The following PPP2R2C variants were observed in gnomAD, a reference collection of about 807,000 sequenced individuals.
PPP2R2C encodes the protein protein phosphatase 2 regulatory subunit Bgamma, also known as protein phosphatase 2, regulatory subunit B, gamma.
Under a neutral mutation model 45.3 loss-of-function variants are expected in PPP2R2C, and 10 were observed. The observed-to-expected ratio is 0.22, with a 90% CI of 0.14 to 0.37. The LOEUF (loss-of-function observed/expected upper bound fraction) is 0.37. Ranked by LOEUF, PPP2R2C falls within the 10% of genes least tolerant of loss-of-function variation. The pLI, the probability that PPP2R2C is intolerant of heterozygous loss-of-function variation, is 1.00. For synonymous variants in PPP2R2C, 257 were observed against 245.4 expected, an observed-to-expected ratio of 1.05 and a Z score of -0.44; for missense variants, 308 against 619.7, an observed-to-expected ratio of 0.50 and a Z score of 5.34.
rs1022422111 is a variant in PPP2R2C at position 6,535,395 on chromosome 4, A to T, written c.-58-18T>A. The T allele has an allele frequency of 4.1e-6, 6 of 1,481,318 alleles. No homozygotes were observed. In the African/African-American group the frequency reaches 5.6e-5, roughly 14 times the overall value. 91.8% of individuals were successfully genotyped at this position (1,481,318 alleles called of 1,614,324 possible). A position where few individuals can be genotyped will look rare whatever the true frequency, so the allele number is the denominator to read the frequency against. On this transcript the variant is annotated intron_variant, in intron 1 of 9. Transcript: ENST00000506140. ...TTTTACTTCTATAATCAGAAAAAAA[A>T]ACTAAAGTTGAGGAATCAAAGAGCC...
intron 1 of PPP2R2C, among the ~76,000 whole-genome samples, chr4:6,552,243 C>A (rs1725207254): frequency 6.6e-6 from 1 of 152,192 alleles, no homozygotes; most frequent in African/African-American, 2.4e-5. Context: ...TAACACATTT[C>A]CACAACCATA....
chr4:6,434,935 G>A (rs1055784774), intron 1 of PPP2R2C, among the ~76,000 whole-genome samples: 1 of 151,834 alleles, frequency 6.6e-6, no homozygotes, highest in Non-Finnish European at 1.5e-5. Flanking sequence ...ATTTTTTTGG[G>A]GGTTCTTGAT....
rs190966032 is a variant in PPP2R2C at position 6,527,757 on chromosome 4, C to T, written c.49+7514G>A. 3.4e-3 allele frequency among the ~76,000 whole-genome samples: 522 copies of T among 152,212 alleles called. 3 individuals carry two copies. The highest frequency in any genetic ancestry group is 0.012 in the African/African-American group (493 of 41,554). On this transcript the variant is annotated intron_variant, in intron 2 of 9. Coordinates refer to the PPP2R2C transcript ENST00000506140. The stretch of plus-strand genomic sequence containing the variant: ...CCCCAGCCGGGAACAGAGATGTTGG[C>T]CCCCTTCCCACAGGCCCCACCACCT...
chr4:6,408,929 A>G (rs528917090), intron 1 of PPP2R2C, among the ~76,000 whole-genome samples: 86 of 148,500 alleles, frequency 5.8e-4, no homozygotes, highest in African/African-American at 2.0e-3. Flanking sequence ...TAAATAAAAT[A>G]CTTGTTGATT....
intron 1 of PPP2R2C, chr4:6,384,434 C>A (rs768301877): frequency 1.0e-6 from 1 of 984,584 alleles, no homozygotes; most frequent in Non-Finnish European, 1.2e-6. Context: ...AATATTTCCT[C>A]CTCTTTCAAC....
chr4:6,361,008 A>G (rs910750744), intron 5 of PPP2R2C, among the ~76,000 whole-genome samples: 2 of 152,182 alleles, frequency 1.3e-5, no homozygotes, highest in South Asian at 2.1e-4. Flanking sequence ...CTACCCTGCC[A>G]GCCTTATTTT....
chr4:6,452,578 C>G (rs181646943), intron 1 of PPP2R2C, among the ~76,000 whole-genome samples: 11 of 152,370 alleles, frequency 7.2e-5, no homozygotes, highest in Admixed American at 3.9e-4. Context: ...CTTAGAAGGA[C>G]ACAGTAGCCC....
Position 6,445,681 on chromosome 4 carries a change from G to A in PPP2R2C, c.70+26479C>T, listed in dbSNP as rs143868841. Among the ~76,000 whole-genome samples, 8 of 152,234 alleles carry A rather than the reference G, an allele frequency of 5.3e-5. No homozygotes were observed. The East Asian group carries it at 9.7e-4, about 18-fold the overall frequency. The stretch of plus-strand genomic sequence containing the variant: ...CTGCAGTGAGCTATGATGGCACCAC[G>A]GTACTCTAGTCTGGGTGACAAGGAG... On this transcript the variant is annotated intron_variant, in intron 1 of 8. Coordinates refer to ENST00000382599, the MANE Select transcript of PPP2R2C (RefSeq NM_020416.4).
chr4:6,348,370 G>C (rs1346121085), intron 5 of PPP2R2C, among the ~76,000 whole-genome samples: 2 of 151,674 alleles, frequency 1.3e-5, no homozygotes, highest in Non-Finnish European at 2.9e-5. Flanking sequence ...CCTGTTGGTT[G>C]CCAAGCAGAA....
At chr4:6,323,624 G>A in intron 8 of PPP2R2C, 31 bp from the exon 9 acceptor site, 1 of 1,510,554 alleles carries the variant, frequency 6.6e-7, no homozygotes, top group South Asian at 1.3e-5. Context: ...ATCAGGTGAG[G>A]AGGAGCACAA....
At chr4:6,422,029 G>A (rs1327808498) in intron 1 of PPP2R2C, among the ~76,000 whole-genome samples, 1 of 150,746 alleles carries the variant, frequency 6.6e-6, no homozygotes, top group East Asian at 1.9e-4. Flanking sequence ...CTGAGACGCT[G>A]CAGCCGGATG....
chr4:6,439,467 T>C (rs1350706244), intron 1 of PPP2R2C, among the ~76,000 whole-genome samples: 2 of 152,196 alleles, frequency 1.3e-5, no homozygotes, highest in Non-Finnish European at 2.9e-5. Flanking sequence ...CTCATTTCCA[T>C]CCCAGAAGAG....
At chr4:6,395,602 G>A (rs974438017) in intron 1 of PPP2R2C, among the ~76,000 whole-genome samples, 3 of 152,330 alleles carry the variant, frequency 2.0e-5, no homozygotes, top group Non-Finnish European at 4.4e-5. Flanking sequence ...CCACAGCGGG[G>A]GCTGATCAGC....
In PPP2R2C at chr4:6,331,083, T is replaced by C. The variant is rs1357966432; in HGVS notation, c.961-1730A>G. 6.6e-6 allele frequency among the ~76,000 whole-genome samples: 1 copy of C among 152,158 alleles called. No homozygotes were observed. The highest frequency in any genetic ancestry group is 2.4e-5 in the African/African-American group (1 of 41,446). On this transcript the variant is annotated intron_variant, in intron 7 of 8. Coordinates refer to ENST00000382599, the MANE Select transcript of PPP2R2C (RefSeq NM_020416.4). The surrounding 1 kb of genome is among the most constrained non-coding windows in gnomAD (Gnocchi z 5.9). The stretch of plus-strand genomic sequence containing the variant: ...AACAACTAAAATCAAGGGGGATGAA[T>C]GGCAGCAGGTTTTAGTGTTCGTGTC...
intron 1 of PPP2R2C, among the ~76,000 whole-genome samples, chr4:6,560,402 T>G (rs200789531): frequency 6.6e-6 from 1 of 152,074 alleles, no homozygotes; most frequent in African/African-American, 2.4e-5. Context: ...TGAGAGGTGG[T>G]GGGGTAGAGT....
intron 2 of PPP2R2C, among the ~76,000 whole-genome samples, chr4:6,489,027 G>T (rs1197926781): frequency 6.6e-6 from 1 of 152,130 alleles, no homozygotes; most frequent in Admixed American, 6.5e-5. Flanking sequence ...GTCTTTCTTT[G>T]CAGCTCTCTC....
intron 1 of PPP2R2C, chr4:6,383,667 C>T (rs1716018972): frequency 1.9e-6 from 1 of 536,820 alleles, no homozygotes; most frequent in Non-Finnish European, 2.7e-6. Flanking sequence ...ACACCCTGAC[C>T]ATCCCTGCCC....
At chr4:6,462,738 A>G (rs1721393401) in intron 1 of PPP2R2C, among the ~76,000 whole-genome samples, 1 of 152,228 alleles carries the variant, frequency 6.6e-6, no homozygotes, top group African/African-American at 2.4e-5. Context: ...CTGGGCTACA[A>G]GAAATGCCCT....
chr4:6,344,440 C>T (rs188163092), intron 6 of PPP2R2C, among the ~76,000 whole-genome samples: 49 of 152,184 alleles, frequency 3.2e-4, no homozygotes, highest in Non-Finnish European at 4.6e-4. Context: ...TATATGTGAC[C>T]GCTGCTTCTG....
Sources: allele counts gnomAD v4.1 joint callset (sites outside exome capture counted in the v4.1 genomes callset), GRCh38; gene constraint gnomAD v4.1.1; non-coding constraint Gnocchi (gnomAD v3.1); transcripts MANE v1.5; gene names NCBI Gene and HGNC (gene_info 2026-07-23, HGNC 2026-07-21).